CNTN6: variants seen among roughly 807,000 people sequenced by gnomAD.
The protein encoded by CNTN6 is contactin 6.
In CNTN6, 137 loss-of-function variants were observed where a neutral mutation model predicts 122.8. The ratio of observed to expected loss-of-function variants is 1.12; its 90% confidence interval spans 0.97 to 1.29. CNTN6 has a LOEUF of 1.29. Among genes scored for constraint, CNTN6 ranks in the 50% most tolerant of loss-of-function variants. CNTN6 has a pLI of 0.00. For missense variants in CNTN6, 1,634 were observed against 1,223.4 expected (o/e 1.34, Z -5.01); for synonymous variants, 570 against 426.0 (o/e 1.34, Z -4.16).
At chr3:1,241,800 A>C (rs565858667) in intron 4 of CNTN6, among the ~76,000 whole-genome samples, 3 of 152,188 alleles carry the variant, frequency 2.0e-5, no homozygotes, top group Non-Finnish European at 4.4e-5. Context: ...TTGGAGGACA[A>C]CTGCAGCTAA....
chr3:1,101,622 T>A (rs2124958516), intron 1 of CNTN6, among the ~76,000 whole-genome samples: 1 of 152,290 alleles, frequency 6.6e-6, no homozygotes, highest in Non-Finnish European at 1.5e-5. Context: ...TTTGCTAATT[T>A]TTTTCTGGAA....
Position 1,383,380 on chromosome 3 carries a change from G to GAAAC in CNTN6, c.2491_2494dup (p.Thr832LysfsTer9), listed in dbSNP as rs766613183. On this transcript the variant is annotated frameshift_variant, in exon 19 of 23. Transcript: ENST00000446702. LOFTEE classifies it high-confidence loss of function. ...TCATGGAATGCTATTGCCTGGAATA[G>GAAAC]AAACACTGGAAGAGTGCTGGGCTAT... 1.9e-6 allele frequency: 3 copies of GAAAC among 1,613,808 alleles called. No homozygotes were observed. The highest frequency in any genetic ancestry group is 4.5e-5 in the East Asian group (2 of 44,884).
chr3:1,265,044 C>CTTTTTTTTT lies in CNTN6; in HGVS notation c.359-13358_359-13350dup, dbSNP rs201949693. On this transcript the variant is annotated intron_variant, in intron 4 of 22. Coordinates refer to ENST00000446702, the MANE Select transcript of CNTN6 (RefSeq NM_001289080.2). ...ATGTTGCCACAAATGACCGAATTTC[C>CTTTTTTTTT]TTTTTTTTTTTTTTTTTTTGGCTGG... 2.6e-4 allele frequency among the ~76,000 whole-genome samples: 26 copies of CTTTTTTTTT among 100,734 alleles called. 1 individual carries two copies. Among genetic ancestry groups the CTTTTTTTTT allele is most frequent in the African/African-American group, 6.1e-4 (16 of 26,234 alleles). The allele number at this position is 100,734 out of a possible 152,430, so 66.1% of individuals were successfully genotyped here.
chr3:1,300,597 GAA>G (rs1559756315), intron 7 of CNTN6, among the ~76,000 whole-genome samples: 9 of 120,324 alleles, frequency 7.5e-5, no homozygotes, highest in African/African-American at 2.6e-4. Flanking sequence ...AAGAAAGAAA[GAA>G]AGAAAGAGAG....
chr3:1,096,235 G>T (rs1487260615), intron 1 of CNTN6, among the ~76,000 whole-genome samples: 2 of 151,906 alleles, frequency 1.3e-5, no homozygotes, highest in African/African-American at 4.8e-5. Context: ...TCTGATAAAT[G>T]CCTACATGAT....
At chr3:1,301,755 T>A (rs983945983) in intron 7 of CNTN6, among the ~76,000 whole-genome samples, 3 of 152,220 alleles carry the variant, frequency 2.0e-5, no homozygotes, top group African/African-American at 7.2e-5. Context: ...ATGCCCTGTA[T>A]AACAATCTTA....
intron 12 of CNTN6, among the ~76,000 whole-genome samples, chr3:1,364,701 A>C (rs1366722897): frequency 6.6e-6 from 1 of 152,084 alleles, no homozygotes; most frequent in Non-Finnish European, 1.5e-5. Context: ...AATGGTCCTG[A>C]CATAAGTTTT....
intron 2 of CNTN6, among the ~76,000 whole-genome samples, chr3:1,155,294 C>T (rs1335005378): frequency 9.9e-5 from 15 of 152,234 alleles, no homozygotes; most frequent in Middle Eastern, 3.4e-3. Flanking sequence ...CAGTGCCTGA[C>T]GCATGGTACG....
At chr3:1,276,417 C>T (rs559330598) in intron 4 of CNTN6, among the ~76,000 whole-genome samples, 14 of 152,242 alleles carry the variant, frequency 9.2e-5, no homozygotes, top group South Asian at 2.1e-4. Context: ...TATGATTCAA[C>T]GATGTGCGCT....
At chr3:1,362,426 G>T (rs938197824) in intron 12 of CNTN6, among the ~76,000 whole-genome samples, 2 of 152,038 alleles carry the variant, frequency 1.3e-5, no homozygotes, top group Non-Finnish European at 2.9e-5. Flanking sequence ...AAAGATAGAT[G>T]ACAAGATGGA....
chr3:1,104,558 C>G (rs755379402), intron 1 of CNTN6, among the ~76,000 whole-genome samples: 33 of 152,066 alleles, frequency 2.2e-4, no homozygotes, highest in Admixed American at 6.5e-4. Context: ...ATTGAATAAC[C>G]TTGGTAAATT....
chr3:1,209,926 T>C lies in CNTN6; in HGVS notation c.56-10761T>C, dbSNP rs140195993. On this transcript the variant is annotated intron_variant, in intron 2 of 22. Coordinates refer to ENST00000446702, the MANE Select transcript of CNTN6 (RefSeq NM_001289080.2). Reference sequence around the variant, plus strand: ...TAACTGGCAAATCACCTTTTACCTTTGCTTTCAATTCTTGCTCCCACCACC... The same window carrying C: ...TAACTGGCAAATCACCTTTTACCTTCGCTTTCAATTCTTGCTCCCACCACC... Among the ~76,000 whole-genome samples the C allele has an allele frequency of 2.6e-5, 4 of 152,358 alleles. 1 individual carries two copies. The highest frequency in any genetic ancestry group is 1.5e-5 in the Non-Finnish European group (1 of 68,026).
chr3:1,186,294 T>C (rs1057042049), intron 2 of CNTN6, among the ~76,000 whole-genome samples: 1 of 152,150 alleles, frequency 6.6e-6, no homozygotes, highest in African/African-American at 2.4e-5. Context: ...CATGTTTAAA[T>C]ATGGAAATCT....
chr3:1,312,937 A>G (rs946112252), intron 7 of CNTN6, among the ~76,000 whole-genome samples: 1 of 151,878 alleles, frequency 6.6e-6, no homozygotes, highest in Admixed American at 6.6e-5. Context: ...CTATAGCATG[A>G]TTTAAAGAAA....
intron 1 of CNTN6, among the ~76,000 whole-genome samples, chr3:1,101,031 G>T (rs1445953302): frequency 6.6e-6 from 1 of 152,084 alleles, no homozygotes; most frequent in East Asian, 1.9e-4. Flanking sequence ...AGTTGTGTAT[G>T]CTTTTGCATA....
At chr3:1,161,694 C>T (rs567529533) in intron 2 of CNTN6, among the ~76,000 whole-genome samples, 3 of 150,654 alleles carry the variant, frequency 2.0e-5, no homozygotes, top group African/African-American at 7.3e-5. Flanking sequence ...CAGATTTATT[C>T]GGTACAAAAA....
chr3:1,248,745 G>A (rs754329997), intron 4 of CNTN6, among the ~76,000 whole-genome samples: 3 of 152,076 alleles, frequency 2.0e-5, no homozygotes, highest in Non-Finnish European at 4.4e-5. Flanking sequence ...GCTTGAACCC[G>A]AGAGGCGGAG....
rs1434002172 is a variant in CNTN6, at chr3:1,331,635, T to C, written c.1364+1700T>C. Among the ~76,000 whole-genome samples the C allele has an allele frequency of 2.0e-5, 3 of 151,858 alleles. No homozygotes were observed. In the Admixed American group the frequency reaches 2.0e-4, roughly 10 times the overall value. The stretch of plus-strand genomic sequence containing the variant: ...CTGTGGAACAGAAAAACATAAGAGA[T>C]CCTGCAGTATCAAACACAGCACCTT... On this transcript the variant is annotated intron_variant, in intron 11 of 22. Transcript: ENST00000446702.
chr3:1,320,910 AAGT>A (rs1357814491), intron 7 of CNTN6, among the ~76,000 whole-genome samples: 31 of 151,860 alleles, frequency 2.0e-4, no homozygotes, highest in African/African-American at 7.2e-4. Flanking sequence ...AGATATGAGA[AAGT>A]AGACGAAATT....
Sources: gnomAD v4.1 joint callset for allele counts (sites outside exome capture counted in the v4.1 genomes callset) on GRCh38, gnomAD v4.1.1 for gene constraint, MANE v1.5 for transcripts, NCBI Gene and HGNC (gene_info 2026-07-23, HGNC 2026-07-21) for gene names.